Variants in PIEZO2 observed in about 807,000 individuals in gnomAD.
The protein encoded by PIEZO2 is piezo-type mechanosensitive ion channel component 2.
In PIEZO2, 172 loss-of-function variants were observed where a neutral mutation model predicts 337.3. The ratio of observed to expected loss-of-function variants is 0.51; its 90% CI spans 0.45 to 0.58. The LOEUF is 0.58. PIEZO2 is among the 20% of genes least tolerant of loss of function. PIEZO2 has a pLI of 0.00. For synonymous variants in PIEZO2, 1,251 were observed against 1,228.5 expected, an observed-to-expected ratio of 1.02 and a Z score of -0.38; for missense variants, 3,028 against 3,391.3, an observed-to-expected ratio of 0.89 and a Z score of 2.66.
Position 10,859,232 on chromosome 18 carries a change from C to CTGG in PIEZO2, c.493-2024_493-2022dup, listed in dbSNP as rs1436390830. On this transcript the variant is annotated intron_variant, in intron 5 of 55. Transcript: ENST00000674853. The surrounding 1 kb of genome is among the most constrained non-coding windows in gnomAD (Gnocchi z 4.9). ...AGTGCATTCCGGGTGGAGGAAAGAG[C>CTGG]TGGTCCAAGGCTTGGTGGCATGTGC... Among the ~76,000 whole-genome samples, 1 of 152,196 alleles carries CTGG rather than the reference C, an allele frequency of 6.6e-6. No homozygotes were observed. Among genetic ancestry groups the CTGG allele is most frequent in the Non-Finnish European group, 1.5e-5 (1 of 68,040 alleles).
At chr18:10,914,081 C>T (rs1274310172) in intron 3 of PIEZO2, among the ~76,000 whole-genome samples, 2 of 152,084 alleles carry the variant, frequency 1.3e-5, no homozygotes, top group African/African-American at 4.8e-5. Context: ...TCTGGCAGCC[C>T]ATTATTCAGT....
chr18:11,006,415 C>T (rs1210923446), intron 2 of PIEZO2, among the ~76,000 whole-genome samples: 1 of 152,148 alleles, frequency 6.6e-6, no homozygotes, highest in African/African-American at 2.4e-5. Flanking sequence ...AGCCTTGTGG[C>T]TTAAGATCTT....
chr18:10,857,792 C>T (rs2041749992), intron 5 of PIEZO2, among the ~76,000 whole-genome samples: 1 of 152,196 alleles, frequency 6.6e-6, no homozygotes, highest in African/African-American at 2.4e-5. Flanking sequence ...CAAGCCTCGG[C>T]AGCTCAGCAC....
At chr18:10,809,257 TC>T (rs2040100915) in intron 7 of PIEZO2, among the ~76,000 whole-genome samples, 14 of 104,066 alleles carry the variant, frequency 1.3e-4, no homozygotes, top group Admixed American at 2.2e-4. Flanking sequence ...TCTCTCTCTC[TC>T]TCTTTTTTTT....
At chr18:11,095,343 C>T (rs2039231958) in intron 1 of PIEZO2, among the ~76,000 whole-genome samples, 2 of 152,114 alleles carry the variant, frequency 1.3e-5, no homozygotes, top group Non-Finnish European at 2.9e-5. Context: ...AAGCTACTTA[C>T]GAAGAAAGAC....
At chr18:10,704,795 C>G (rs2035501995) in intron 41 of PIEZO2, 143 bp from the exon 42 acceptor site, 1 of 978,404 alleles carries the variant, frequency 1.0e-6, no homozygotes, top group South Asian at 1.7e-5. Flanking sequence ...AGCCATTCTC[C>G]TGCTTCAGCC....
chr18:11,068,367 A>T (rs942031715), intron 1 of PIEZO2, among the ~76,000 whole-genome samples: 1 of 152,230 alleles, frequency 6.6e-6, no homozygotes, highest in Non-Finnish European at 1.5e-5. Flanking sequence ...GAAATCAAAA[A>T]CAGGAGGAAT....
intron 3 of PIEZO2, among the ~76,000 whole-genome samples, chr18:10,928,865 A>T (rs1167260200): frequency 6.6e-6 from 1 of 152,220 alleles, no homozygotes; most frequent in African/African-American, 2.4e-5. Flanking sequence ...AGCATTTGGG[A>T]TGAAAGGTGC....
At chr18:11,022,678 G>A (rs923693309) in intron 2 of PIEZO2, among the ~76,000 whole-genome samples, 2 of 152,106 alleles carry the variant, frequency 1.3e-5, no homozygotes, top group Admixed American at 1.3e-4. Flanking sequence ...GTCACATTGT[G>A]GGATGTCAAC....
Position 10,977,200 on chromosome 18 carries a change from C to T in PIEZO2, c.286+2335G>A, listed in dbSNP as rs747967784. ...TCAATTTGAACTAGAAACACTTAGA[C>T]TCTTGTGAGTCAGAAGAGATCATAA... On this transcript the variant is annotated intron_variant, in intron 3 of 55. Coordinates refer to ENST00000674853, the MANE Select transcript of PIEZO2 (RefSeq NM_001378183.1). Among the ~76,000 whole-genome samples, 76 of 152,074 alleles carry T rather than the reference C, an allele frequency of 5.0e-4. 1 individual carries two copies. Among genetic ancestry groups the T allele is most frequent in the Non-Finnish European group, 7.9e-4 (54 of 67,988 alleles).
intron 41 of PIEZO2, 24 bp from the exon 42 acceptor site, chr18:10,704,676 A>T: frequency 6.6e-7 from 1 of 1,526,472 alleles, no homozygotes; most frequent in Non-Finnish European, 8.8e-7. Flanking sequence ...CCACATGATA[A>T]TATGTCTATT....
rs2143759284 is a variant in PIEZO2, at chr18:10,703,382, T to G, written c.6258+1012A>C. 1.3e-5 allele frequency among the ~76,000 whole-genome samples: 2 copies of G among 152,358 alleles called. 1 individual carries two copies. Among genetic ancestry groups the G allele is most frequent in the South Asian group, 4.1e-4 (2 of 4,830 alleles). ...TTCAAGCAATAGATATATATTTGACTTCACATCCTTTATTTTCCTTATGGA... is the reference window on the plus strand; with the variant it reads ...TTCAAGCAATAGATATATATTTGACGTCACATCCTTTATTTTCCTTATGGA... On this transcript the variant is annotated intron_variant, in intron 42 of 55. Coordinates refer to ENST00000674853, the MANE Select transcript of PIEZO2 (RefSeq NM_001378183.1).
In PIEZO2 at chr18:11,146,959, AG is replaced by A. The variant is rs2040826662; in HGVS notation, c.64+1565del. 6.6e-6 allele frequency among the ~76,000 whole-genome samples: 1 copy of A among 152,160 alleles called. No homozygotes were observed. The highest frequency in any genetic ancestry group is 2.4e-5 in the African/African-American group (1 of 41,448). Reference sequence around the variant, plus strand: ...CAGGACCCCTCCCCGGTCTGCACTGAGGACCATAAATCACGCTTCATGCTAA... The same window carrying A: ...CAGGACCCCTCCCCGGTCTGCACTGAGACCATAAATCACGCTTCATGCTAA... On this transcript the variant is annotated intron_variant, in intron 1 of 55. Coordinates refer to ENST00000674853, the MANE Select transcript of PIEZO2 (RefSeq NM_001378183.1). The surrounding 1 kb of genome is among the most constrained non-coding windows in gnomAD (Gnocchi z 6.1).
At chr18:10,851,125 TTTTTCTTTTC>T (rs149794252) in intron 7 of PIEZO2, among the ~76,000 whole-genome samples, 2,617 of 151,058 alleles carry the variant, frequency 0.017, 82 homozygotes, top group African/African-American at 0.061. Flanking sequence ...CTTCTTTCTC[TTTTTCTTTTC>T]TTTTCTTTTT....
chr18:10,788,408 CAAAA>C (rs745769805), intron 15 of PIEZO2, among the ~76,000 whole-genome samples: 13 of 66,542 alleles, frequency 2.0e-4, no homozygotes, highest in African/African-American at 7.2e-4. Flanking sequence ...GACCCTGTCT[CAAAA>C]AAAAAAAAAG....
chr18:11,057,389 G>C (rs758194557), intron 2 of PIEZO2, among the ~76,000 whole-genome samples: 7 of 152,164 alleles, frequency 4.6e-5, no homozygotes, highest in Non-Finnish European at 8.8e-5. Flanking sequence ...ATCTGAAACA[G>C]CAAATCAAGA....
Position 10,677,502 on chromosome 18 carries a change from G to T in PIEZO2, c.8081+245C>A. On this transcript the variant is annotated intron_variant, in intron 53 of 55. Transcript: ENST00000674853. The surrounding 1 kb of genome is among the most constrained non-coding windows in gnomAD (Gnocchi z 4.1). ...CAACATGCTGGGATTACAGGCATGA[G>T]CCACCATGCCTGGCCCAAACCCTCA... The T allele has an allele frequency of 2.6e-6, 1 of 379,864 alleles. No individual in the cohort carries two copies. 23.5% of individuals were successfully genotyped at this position (379,864 alleles called of 1,614,324 possible).
rs549159125 is a variant in PIEZO2 at position 10,933,697 on chromosome 18, C to A, written c.287-22469G>T. Reference sequence around the variant, plus strand: ...CCTTTCATGGGTTGGAATGAAGGGGCGGTGACATGATTTGGCTATGTCCCC... The same window carrying A: ...CCTTTCATGGGTTGGAATGAAGGGGAGGTGACATGATTTGGCTATGTCCCC... On this transcript the variant is annotated intron_variant, in intron 3 of 55. Transcript: ENST00000674853. 5.9e-5 allele frequency among the ~76,000 whole-genome samples: 9 copies of A among 152,276 alleles called. No individual in the cohort carries two copies. In the South Asian group the frequency reaches 1.7e-3, roughly 28 times the overall value.
chr18:10,866,721 G>A (rs1014449716), intron 5 of PIEZO2, among the ~76,000 whole-genome samples: 1 of 152,118 alleles, frequency 6.6e-6, no homozygotes, highest in Admixed American at 6.5e-5. Context: ...GAAGACTCTG[G>A]GGGAATAAAG....
Sources: allele counts gnomAD v4.1 joint callset (sites outside exome capture counted in the v4.1 genomes callset), GRCh38; gene constraint gnomAD v4.1.1; non-coding constraint Gnocchi (gnomAD v3.1); transcripts MANE v1.5; gene names NCBI Gene and HGNC (gene_info 2026-07-23, HGNC 2026-07-21).